Variants in JAM3 observed in about 807,000 individuals in gnomAD.
JAM3 encodes junctional adhesion molecule 3, also known as junctional adhesion molecule C.
JAM3 carries 31 observed loss-of-function variants against 39.4 expected under a neutral mutation model. That is an observed-to-expected ratio of 0.79 (90% CI 0.59 to 1.06). The LOEUF is 1.06. Among genes scored for constraint, JAM3 ranks in the 50% least tolerant of loss-of-function variants. The probability of loss-of-function intolerance (pLI) is 0.00; values close to 1 mark genes in which losing one functional copy is unlikely to be tolerated. For synonymous variants in JAM3, 182 were observed against 148.7 expected (o/e 1.22, Z -1.63); for missense variants, 455 against 391.4 (o/e 1.16, Z -1.37).
intron 3 of JAM3, among the ~76,000 whole-genome samples, chr11:134,142,061 A>C (rs1455893931): frequency 1.3e-5 from 2 of 151,850 alleles, no homozygotes; most frequent in Non-Finnish European, 2.9e-5. Context: ...CAGAACACAG[A>C]TCTGTTTTCT....
chr11:134,149,047 T>G (rs1308356352), intron 8 of JAM3, 99 bp from the exon 9 acceptor site: 1 of 1,406,538 alleles, frequency 7.1e-7, no homozygotes, highest in Non-Finnish European at 1.0e-6. Flanking sequence ...TTAAGAATGA[T>G]TATTCCATCT....
intron 2 of JAM3, 42 bp downstream of exon 2, chr11:134,139,958 C>CT: frequency 1.4e-6 from 2 of 1,463,378 alleles, no homozygotes; most frequent in Non-Finnish European, 1.9e-6. Context: ...GCACCATCTA[C>CT]TGGACATTTG....
intron 1 of JAM3, among the ~76,000 whole-genome samples, chr11:134,089,834 T>G (rs922426695): frequency 9.9e-5 from 15 of 152,226 alleles, no homozygotes; most frequent in Non-Finnish European, 2.2e-4. Flanking sequence ...AGTAATGGGA[T>G]GGCTGGGTCA....
intron 1 of JAM3, among the ~76,000 whole-genome samples, chr11:134,113,317 T>A (rs1942354852): frequency 6.6e-6 from 1 of 152,172 alleles, no homozygotes; most frequent in African/African-American, 2.4e-5. Flanking sequence ...ACATTAGGTA[T>A]ATCTCCTAAT....
intron 1 of JAM3, among the ~76,000 whole-genome samples, chr11:134,071,885 T>A (rs145483269): frequency 2.0e-5 from 3 of 152,306 alleles, no homozygotes; most frequent in African/African-American, 4.8e-5. Flanking sequence ...TTATATCAGC[T>A]GCTCATTCCC....
rs1030820199 is a variant in JAM3, at chr11:134,149,630, G to C, written c.*449G>C. 4.3e-6 allele frequency: 2 copies of C among 460,542 alleles called. No individual in the cohort carries two copies. The highest frequency in any genetic ancestry group is 8.7e-6 in the Non-Finnish European group (2 of 229,958). 28.5% of individuals were successfully genotyped at this position (460,542 alleles called of 1,614,324 possible). ...GCATCCCGGCGGGAACCCAGAAAAG[G>C]CTTCTTACACAGCAGCCTTACTTCA... On this transcript the variant is annotated 3_prime_UTR_variant, in exon 9 of 9. Transcript: ENST00000299106.
intron 1 of JAM3, among the ~76,000 whole-genome samples, chr11:134,130,972 A>G (rs962962554): frequency 5.9e-5 from 9 of 152,208 alleles, no homozygotes; most frequent in African/African-American, 1.4e-4. Flanking sequence ...GACATGTACA[A>G]TAGGCCCTGT....
chr11:134,089,463 T>C (rs1259687), intron 1 of JAM3, among the ~76,000 whole-genome samples: 68,112 of 151,888 alleles, frequency 0.45, 18,173 homozygotes, highest in African/African-American at 0.76. Context: ...CCCCCATCCC[T>C]GTACCCCACA....
intron 1 of JAM3, among the ~76,000 whole-genome samples, chr11:134,127,023 C>T (rs1217844079): frequency 6.6e-6 from 1 of 152,228 alleles, no homozygotes; most frequent in Non-Finnish European, 1.5e-5. Flanking sequence ...AAACTATTAT[C>T]TCTTGCCACA....
intron 1 of JAM3, among the ~76,000 whole-genome samples, chr11:134,117,653 A>G (rs528581445): frequency 6.6e-6 from 1 of 152,280 alleles, no homozygotes; most frequent in Non-Finnish European, 1.5e-5. Context: ...TGCAGCTTGA[A>G]TATGTTTCCT....
At chr11:134,082,517 C>T (rs1416248724) in intron 1 of JAM3, among the ~76,000 whole-genome samples, 1 of 152,090 alleles carries the variant, frequency 6.6e-6, no homozygotes, top group Non-Finnish European at 1.5e-5. Flanking sequence ...CTTTCTTGTG[C>T]TGTTCTCATG....
At chr11:134,122,382 T>C (rs1296434715) in intron 1 of JAM3, among the ~76,000 whole-genome samples, 1 of 152,220 alleles carries the variant, frequency 6.6e-6, no homozygotes, top group Non-Finnish European at 1.5e-5. Context: ...CAAGAGCCCC[T>C]GATGGTACCC....
intron 1 of JAM3, among the ~76,000 whole-genome samples, chr11:134,091,365 C>T (rs921461499): frequency 2.0e-5 from 3 of 152,096 alleles, no homozygotes; most frequent in Middle Eastern, 3.4e-3. Flanking sequence ...TGTGGTGGCA[C>T]GCGCCTGTAG....
At chr11:134,144,163 T>G in intron 3 of JAM3, 78 bp from the exon 4 acceptor site, 1 of 1,450,696 alleles carries the variant, frequency 6.9e-7, no homozygotes, top group South Asian at 1.1e-5. Flanking sequence ...CATCTAGTGC[T>G]AGCCCCAGAA....
intron 1 of JAM3, chr11:134,139,576 A>G (rs1449077177): frequency 4.4e-6 from 2 of 454,702 alleles, no homozygotes; most frequent in African/African-American, 2.0e-5. Flanking sequence ...TGCTTAGACA[A>G]AGGCTTTAAA....
intron 1 of JAM3, among the ~76,000 whole-genome samples, chr11:134,076,444 G>A (rs117874575): frequency 0.02 from 3,066 of 152,080 alleles, 49 homozygotes; most frequent in Non-Finnish European, 0.029. Context: ...GTGAGCCACC[G>A]CACCTGGCTT....
intron 8 of JAM3, 37 bp from the exon 9 acceptor site, chr11:134,149,109 G>T (rs1943140766): frequency 6.2e-7 from 1 of 1,613,652 alleles, no homozygotes; most frequent in Non-Finnish European, 8.5e-7. Context: ...TTGCCACCAG[G>T]CCCCTTGATG....
At chr11:134,094,984 A>G (rs1278604853) in intron 1 of JAM3, among the ~76,000 whole-genome samples, 2 of 152,258 alleles carry the variant, frequency 1.3e-5, no homozygotes, top group Non-Finnish European at 2.9e-5. Flanking sequence ...CACGTATGTT[A>G]AAAGATATGC....
chr11:134,072,916 A>G (rs920970637), intron 1 of JAM3, among the ~76,000 whole-genome samples: 13 of 151,614 alleles, frequency 8.6e-5, no homozygotes, highest in South Asian at 4.2e-4. Flanking sequence ...GTCTTGGGGG[A>G]AAAAAAAAGA....
Sources: allele counts gnomAD v4.1 joint callset (sites outside exome capture counted in the v4.1 genomes callset), GRCh38; gene constraint gnomAD v4.1.1; transcripts MANE v1.5; gene names NCBI Gene and HGNC (gene_info 2026-07-23, HGNC 2026-07-21).